Variants in DOCK1 observed in about 807,000 individuals in gnomAD.
DOCK1 encodes the protein dedicator of cytokinesis 1, also known as dedicator of cytokinesis protein 1.
In DOCK1, 138 loss-of-function variants were observed where a neutral mutation model predicts 262.7. That is an observed-to-expected ratio of 0.53 (90% CI 0.46 to 0.61). The LOEUF is 0.61. DOCK1 is among the 20% of genes least tolerant of loss of function. The pLI is 0.00. For synonymous variants in DOCK1, 866 were observed against 867.4 expected (o/e 1.00, Z 0.03); for missense variants, 1,908 against 2,370.7 (o/e 0.80, Z 4.05).
chr10:126,931,051 T>C (rs1389169200), intron 1 of DOCK1, among the ~76,000 whole-genome samples: 3 of 151,924 alleles, frequency 2.0e-5, no homozygotes, highest in Non-Finnish European at 4.4e-5. Context: ...AGCCAGTTTA[T>C]TTTGGAGTTG....
At chr10:126,964,580 A>C (rs922783732) in intron 1 of DOCK1, among the ~76,000 whole-genome samples, 2 of 152,284 alleles carry the variant, frequency 1.3e-5, no homozygotes, top group African/African-American at 4.8e-5. Context: ...ATGAGAACAC[A>C]GAGCAATTAA....
At chr10:126,930,151 G>A (rs1025567298) in intron 1 of DOCK1, among the ~76,000 whole-genome samples, 5 of 152,198 alleles carry the variant, frequency 3.3e-5, no homozygotes, top group African/African-American at 1.2e-4. Flanking sequence ...TTCTGTGGTG[G>A]AATAGCATTC....
intron 27 of DOCK1, among the ~76,000 whole-genome samples, chr10:127,201,787 G>GA (rs1427240606): frequency 6.6e-6 from 1 of 152,146 alleles, no homozygotes; most frequent in Non-Finnish European, 1.5e-5. Flanking sequence ...CCTGGGGAAT[G>GA]AAACAGAAAC....
rs774808081 is a variant in DOCK1, at chr10:127,433,289, A to G, written c.4921A>G (p.Ser1641Gly). 8.7e-6 allele frequency: 14 copies of G among 1,613,820 alleles called. No homozygotes were observed. In the South Asian group the frequency reaches 8.8e-5, roughly 10 times the overall value. The change falls in exon 48 of 52, where the codon AGT becomes GGT. Residue 1641 changes from serine (S) to glycine (G), a missense_variant. Physicochemically the swap from Ser to Gly is moderately conservative, Grantham distance 56. Transcript: ENST00000623213. Reference sequence around the variant, plus strand: ...CTCTCTTTCTCGCTCTCAGCCCTCAAGTCTGGATGATAGAAGAGGCAGCCG... The same window carrying G: ...CTCTCTTTCTCGCTCTCAGCCCTCAGGTCTGGATGATAGAAGAGGCAGCCG... ...KEYGVRIMPS[S>G]LDDRRGSRPR...
At chr10:127,389,062 G>A (rs188931744) in intron 38 of DOCK1, among the ~76,000 whole-genome samples, 15 of 152,302 alleles carry the variant, frequency 9.8e-5, no homozygotes, top group African/African-American at 3.1e-4. Context: ...TTTCTCTGTC[G>A]TGGAGTTTCC....
chr10:127,361,532 T>C (rs1050938054), intron 32 of DOCK1, among the ~76,000 whole-genome samples: 57 of 152,118 alleles, frequency 3.7e-4, no homozygotes, highest in African/African-American at 1.3e-3. Context: ...TTGATTGGAG[T>C]CGTTTGGCAT....
At chr10:126,988,965 T>G (rs2039603936) in intron 5 of DOCK1, among the ~76,000 whole-genome samples, 1 of 151,358 alleles carries the variant, frequency 6.6e-6, no homozygotes, top group Non-Finnish European at 1.5e-5. Flanking sequence ...CCCAGCTACT[T>G]GGGAAGCTTA....
At chr10:127,415,268 G>T (rs376891254) in intron 44 of DOCK1, 30 bp downstream of exon 44, 22 of 1,601,326 alleles carry the variant, frequency 1.4e-5, no homozygotes, top group Middle Eastern at 1.7e-4. Flanking sequence ...AGAAGGAATT[G>T]TCCGTTCCCT....
At chr10:127,265,713 T>C (rs2060329521) in intron 29 of DOCK1, among the ~76,000 whole-genome samples, 1 of 152,244 alleles carries the variant, frequency 6.6e-6, no homozygotes, top group Non-Finnish European at 1.5e-5. Flanking sequence ...CCTTTTTAAA[T>C]AGAATGCATT....
intron 22 of DOCK1, among the ~76,000 whole-genome samples, chr10:127,055,385 C>T (rs751400272): frequency 1.3e-5 from 2 of 152,196 alleles, no homozygotes; most frequent in Non-Finnish European, 2.9e-5. Flanking sequence ...GGAGAAACAG[C>T]TGTGCCAGCT....
At chr10:127,018,992 G>T (rs953948696) in intron 13 of DOCK1, 157 bp downstream of exon 13, 5 of 1,135,160 alleles carry the variant, frequency 4.4e-6, no homozygotes, top group Non-Finnish European at 6.1e-6. Context: ...TGGATCATGG[G>T]GCTGTGACCG....
rs189498361 is a variant in DOCK1 at position 126,976,677 on chromosome 10, C to A, written c.131-1271C>A. Reference sequence around the variant, plus strand: ...TACCCAGCTCACGTTTTCCAAGTGCCCTCTGTCACTCTCTGACAGGGTCCT... The same window carrying A: ...TACCCAGCTCACGTTTTCCAAGTGCACTCTGTCACTCTCTGACAGGGTCCT... On this transcript the variant is annotated intron_variant, in intron 2 of 51. Transcript: ENST00000623213. Among the ~76,000 whole-genome samples the A allele has an allele frequency of 1.2e-4, 18 of 152,108 alleles. No homozygotes were observed. The East Asian group carries it at 3.5e-3, about 29-fold the overall frequency.
chr10:127,154,759 C>A (rs1402464460), intron 27 of DOCK1, among the ~76,000 whole-genome samples: 3 of 152,104 alleles, frequency 2.0e-5, no homozygotes, highest in East Asian at 1.9e-4. Context: ...AATTCTCCCC[C>A]CTAATTAAAA....
intron 22 of DOCK1, among the ~76,000 whole-genome samples, chr10:127,057,212 C>T (rs747570775): frequency 1.3e-5 from 2 of 152,170 alleles, no homozygotes; most frequent in African/African-American, 4.8e-5. Flanking sequence ...CATCTTCTTA[C>T]CTGCAGCATG....
chr10:127,246,829 A>G (rs1387114357), intron 27 of DOCK1, among the ~76,000 whole-genome samples: 2 of 152,240 alleles, frequency 1.3e-5, no homozygotes, highest in Non-Finnish European at 2.9e-5. Flanking sequence ...TATTGCTGGT[A>G]AAAGGAGAGT....
chr10:127,041,455 G>A (rs993868481), intron 19 of DOCK1, among the ~76,000 whole-genome samples: 1 of 152,150 alleles, frequency 6.6e-6, no homozygotes, highest in Non-Finnish European at 1.5e-5. Flanking sequence ...ACCGCAGATT[G>A]TCTTTCCATT....
chr10:127,061,440 A>G lies in DOCK1; in HGVS notation c.2337-228A>G, dbSNP rs80219383. 1.3e-3 allele frequency among the ~76,000 whole-genome samples: 191 copies of G among 152,266 alleles called. 7 individuals are homozygous for G. The East Asian group carries it at 0.036, about 29-fold the overall frequency. On this transcript the variant is annotated intron_variant, in intron 22 of 51. Coordinates refer to ENST00000623213, the MANE Select transcript of DOCK1 (RefSeq NM_001290223.2). ...GTATGTTACAATGAAAAATGCAGTG[A>G]GTGGTAGCATTAAGGGTCAGCCTCT...
intron 49 of DOCK1, among the ~76,000 whole-genome samples, chr10:127,441,827 A>C (rs902367239): frequency 5.9e-5 from 9 of 151,952 alleles, no homozygotes; most frequent in Non-Finnish European, 4.4e-5. Context: ...TTGCATCATC[A>C]ACAATTTCCT....
At chr10:127,056,206 G>C (rs1484016609) in intron 22 of DOCK1, among the ~76,000 whole-genome samples, 1 of 152,114 alleles carries the variant, frequency 6.6e-6, no homozygotes, top group Non-Finnish European at 1.5e-5. Context: ...TGATCATGAT[G>C]ATGATGATGA....
Sources: gnomAD v4.1 joint callset for allele counts (sites outside exome capture counted in the v4.1 genomes callset) on GRCh38, gnomAD v4.1.1 for gene constraint, MANE v1.5 for transcripts, NCBI Gene and HGNC (gene_info 2026-07-23, HGNC 2026-07-21) for gene names.